Variants in EML6 observed in about 807,000 individuals in gnomAD.
EML6 encodes the protein EMAP like 6.
In EML6, 154 loss-of-function variants were observed where a neutral mutation model predicts 240.1. That is an observed-to-expected ratio of 0.64 (90% CI 0.56 to 0.73). EML6 has a LOEUF of 0.73. EML6 is among the 30% of genes least tolerant of loss of function. The pLI is 0.00. For synonymous variants in EML6, 1,148 were observed against 899.0 expected (o/e 1.28, Z -4.95); for missense variants, 2,964 against 2,474.6 (o/e 1.20, Z -4.20).
rs192314605 is a variant in EML6, at chr2:54,966,546, A to T, written c.5494-454A>T. 1.6e-3 allele frequency among the ~76,000 whole-genome samples: 239 copies of T among 152,342 alleles called. 1 individual carries two copies. The highest frequency in any genetic ancestry group is 5.5e-3 in the African/African-American group (228 of 41,578). On this transcript the variant is annotated intron_variant, in intron 38 of 41. Coordinates refer to ENST00000356458, the MANE Select transcript of EML6 (RefSeq NM_001039753.4). ...ATCTGTGTCACCCACTGTCCATGAGAAACCTGCCTTACCTCTGTACCAAAG... is the reference window on the plus strand; with the variant it reads ...ATCTGTGTCACCCACTGTCCATGAGTAACCTGCCTTACCTCTGTACCAAAG...
rs369841738 is a variant in EML6 at position 54,778,840 on chromosome 2, C to A, written c.198-34392C>A. ...CTGGGCGGTGGAGGTTGCAGTGAGCCGAGATTGTGCCACTGCATTCCAGCC... is the reference window on the plus strand; with the variant it reads ...CTGGGCGGTGGAGGTTGCAGTGAGCAGAGATTGTGCCACTGCATTCCAGCC... On this transcript the variant is annotated intron_variant, in intron 2 of 41. Coordinates refer to ENST00000356458, the MANE Select transcript of EML6 (RefSeq NM_001039753.4). 1.2e-4 allele frequency among the ~76,000 whole-genome samples: 17 copies of A among 143,214 alleles called. No individual in the cohort carries two copies. In the East Asian group the frequency reaches 2.3e-3, roughly 20 times the overall value. The allele number at this position is 143,214 out of a possible 152,430, so 94.0% of individuals were successfully genotyped here.
rs114193938 is a variant in EML6, at chr2:54,822,748, C to T, written c.525+2286C>T. Among the ~76,000 whole-genome samples the T allele has an allele frequency of 3.9e-3, 594 of 152,126 alleles. 3 individuals are homozygous for T. The highest frequency in any genetic ancestry group is 0.014 in the African/African-American group (567 of 41,494). On this transcript the variant is annotated intron_variant, in intron 5 of 41. Coordinates refer to ENST00000356458, the MANE Select transcript of EML6 (RefSeq NM_001039753.4). ...ACTTCTCCAAATGTTAAGCAGTTATCTCTGGGTAATGGGTTGATGGATAAT... is the reference window on the plus strand; with the variant it reads ...ACTTCTCCAAATGTTAAGCAGTTATTTCTGGGTAATGGGTTGATGGATAAT...
At position 54,959,122 on chromosome 2, in the gene EML6, G is replaced by A; in HGVS notation, c.4714G>A (p.Gly1572Ser). The change falls in exon 34 of 42, where the codon GGT (glycine) becomes AGT (serine). Residue 1572 changes from glycine to serine, a missense_variant. By Grantham distance (56) the Gly-to-Ser change is moderately conservative. Transcript: ENST00000356458. ...AFGANNLTFT[G>S]AINGDVYVWK... is the part of the protein sequence containing the mutation. ...TTTACAGAACAATCTCACTTTCACG[G>A]GTGCCATCAATGGAGATGTCTACGT... 1 of 1,550,928 alleles carries A rather than the reference G, an allele frequency of 6.4e-7. No individual in the cohort carries two copies. Among genetic ancestry groups the A allele is most frequent in the Non-Finnish European group, 8.7e-7 (1 of 1,146,742 alleles).
chr2:54,844,003 T>TGTGTGTGTGTGTGTGA (rs1287093036), intron 7 of EML6, 44 bp from the exon 8 acceptor site: 2 of 1,223,630 alleles, frequency 1.6e-6, no homozygotes, highest in Non-Finnish European at 1.2e-6. Flanking sequence ...TGTGTGTGTG[T>TGTGTGTGTGTGTGTGA]GAATAGTGTG....
At chr2:54,969,967 TC>T in intron 41 of EML6, 103 bp from the exon 42 acceptor site, 7 of 1,186,570 alleles carry the variant, frequency 5.9e-6, no homozygotes, top group Non-Finnish European at 8.6e-6. Flanking sequence ...GTTCAATACA[TC>T]ACCCGAGCTT....
intron 24 of EML6, among the ~76,000 whole-genome samples, chr2:54,904,426 C>A (rs932023502): frequency 1.3e-5 from 2 of 152,128 alleles, no homozygotes. Context: ...AGCACCAAGC[C>A]CAATGTATGC....
rs540549902 is a variant in EML6 at position 54,775,655 on chromosome 2, G to A, written c.198-37577G>A. On this transcript the variant is annotated intron_variant, in intron 2 of 41. Coordinates refer to ENST00000356458, the MANE Select transcript of EML6 (RefSeq NM_001039753.4). ...AGACTACAGGATCTAAGAGAGCAGG[G>A]CCTTTGTTTTTGCTTATTGCTATAT... Among the ~76,000 whole-genome samples the A allele has an allele frequency of 2.0e-5, 3 of 152,230 alleles. No individual in the cohort carries two copies. In the South Asian group the frequency reaches 6.2e-4, roughly 32 times the overall value.
intron 2 of EML6, among the ~76,000 whole-genome samples, chr2:54,794,451 C>G (rs1402632846): frequency 6.6e-6 from 1 of 152,154 alleles, no homozygotes; most frequent in Non-Finnish European, 1.5e-5. Context: ...GTTCTCAGTC[C>G]TCTTCCCTGG....
rs545725862 is a variant in EML6 at position 54,909,494 on chromosome 2, G to A, written c.3410-1460G>A. On this transcript the variant is annotated intron_variant, in intron 24 of 41. Transcript: ENST00000356458. ...TAGAAATGATTAAAGTTGTCAGTTT[G>A]GAAATGAGAGAACCTTATTTTTAGT... Among the ~76,000 whole-genome samples, 122 of 152,266 alleles carry A rather than the reference G, an allele frequency of 8.0e-4. 2 individuals are homozygous for A. The highest frequency in any genetic ancestry group is 2.9e-3 in the African/African-American group (120 of 41,548).
chr2:54,839,039 G>A (rs1479380572), intron 7 of EML6, among the ~76,000 whole-genome samples: 3 of 152,176 alleles, frequency 2.0e-5, no homozygotes, highest in East Asian at 3.8e-4. Flanking sequence ...AGACAGCTTC[G>A]TTGCCTTCTA....
Position 54,886,204 on chromosome 2 carries a change from C to A in EML6, c.2439-4850C>A, listed in dbSNP as rs541098413. ...TTCTTGAGATGGTGTCTTGCTGTGT[C>A]ACCCAGGCTGGAGTGCAGTGGCGTG... On this transcript the variant is annotated intron_variant, in intron 17 of 41. Transcript: ENST00000356458. Among the ~76,000 whole-genome samples the A allele has an allele frequency of 3.2e-4, 42 of 133,208 alleles. 1 individual carries two copies. In the Admixed American group the frequency reaches 3.4e-3, roughly 11 times the overall value. 87.4% of individuals were successfully genotyped at this position (133,208 alleles called of 152,430 possible).
intron 24 of EML6, among the ~76,000 whole-genome samples, chr2:54,904,393 G>T (rs779879248): frequency 1.3e-4 from 20 of 152,116 alleles, no homozygotes; most frequent in African/African-American, 4.8e-4. Flanking sequence ...CTTCAGAGAC[G>T]TTGTAGTCCA....
chr2:54,815,804 G>T (rs917542394), intron 3 of EML6, among the ~76,000 whole-genome samples: 3 of 152,192 alleles, frequency 2.0e-5, no homozygotes, highest in Non-Finnish European at 4.4e-5. Flanking sequence ...ATATGTGGCT[G>T]TCTGTTTCAT....
At chr2:54,819,008 C>G (rs1239248492) in intron 4 of EML6, among the ~76,000 whole-genome samples, 8 of 152,038 alleles carry the variant, frequency 5.3e-5, no homozygotes, top group Admixed American at 2.6e-4. Context: ...CTTCATTGAC[C>G]TTAACAAAAC....
chr2:54,886,505 CATTTAGAT>C (rs1187950472), intron 17 of EML6, among the ~76,000 whole-genome samples: 3 of 152,102 alleles, frequency 2.0e-5, no homozygotes, highest in African/African-American at 4.8e-5. Context: ...TCATCTTTTA[CATTTAGAT>C]CTGGTGAGAA....
rs141070902 is a variant in EML6, at chr2:54,759,803, C to T, written c.197+34545C>T. 3.6e-4 allele frequency among the ~76,000 whole-genome samples: 54 copies of T among 151,830 alleles called. No homozygotes were observed. In the East Asian group the frequency reaches 9.5e-3, roughly 27 times the overall value. ...AATGTTAGGCTGTGCTAAGGTGATCCAAGAGTGAAGTTCGAGGTTGGACAA... is the reference window on the plus strand; with the variant it reads ...AATGTTAGGCTGTGCTAAGGTGATCTAAGAGTGAAGTTCGAGGTTGGACAA... On this transcript the variant is annotated intron_variant, in intron 2 of 41. Coordinates refer to ENST00000356458, the MANE Select transcript of EML6 (RefSeq NM_001039753.4).
intron 24 of EML6, 124 bp downstream of exon 24, chr2:54,903,626 T>A (rs1033432094): frequency 9.4e-4 from 530 of 563,272 alleles, no homozygotes; most frequent in Middle Eastern, 1.4e-3. Flanking sequence ...CACAACAATA[T>A]AAACGACTGT....
chr2:54,739,592 A>G (rs1414465016), intron 2 of EML6, among the ~76,000 whole-genome samples: 2 of 152,250 alleles, frequency 1.3e-5, no homozygotes, highest in African/African-American at 2.4e-5. Context: ...AGCAGCACAC[A>G]GCACACAGCA....
chr2:54,942,205 A>G (rs1287282070), intron 28 of EML6, among the ~76,000 whole-genome samples: 1 of 152,248 alleles, frequency 6.6e-6, no homozygotes, highest in Non-Finnish European at 1.5e-5. Flanking sequence ...TGGCCAGTGT[A>G]TAAAAATCCA....
Sources: gnomAD v4.1 joint callset for allele counts (sites outside exome capture counted in the v4.1 genomes callset) on GRCh38, gnomAD v4.1.1 for gene constraint, MANE v1.5 for transcripts, NCBI Gene and HGNC (gene_info 2026-07-23, HGNC 2026-07-21) for gene names.